The following MVD variants were observed in gnomAD, a reference collection of about 807,000 sequenced individuals.
MVD encodes mevalonate diphosphate decarboxylase.
In MVD, 52 loss-of-function variants were observed where a neutral mutation model predicts 42.4. That is an observed-to-expected ratio of 1.23 (90% CI 0.98 to 1.55). The LOEUF is 1.55. MVD is among the 40% of genes most tolerant of loss of function. The pLI is 0.00. For missense variants in MVD, 663 were observed against 572.1 expected (o/e 1.16, Z -1.62); for synonymous variants, 287 against 243.2 (o/e 1.18, Z -1.68).
At chr16:88,661,895 C>T (rs562427278) in intron 1 of MVD, among the ~76,000 whole-genome samples, 82 of 146,208 alleles carry the variant, frequency 5.6e-4, no homozygotes, top group Admixed American at 8.2e-4. Context: ...CACACACATA[C>T]ATCTATATAG....
intron 1 of MVD, chr16:88,662,286 C>T (rs75145794): frequency 6.4e-6 from 1 of 156,308 alleles, no homozygotes; most frequent in Non-Finnish European, 1.4e-5. Flanking sequence ...AGGGGCAAAG[C>T]ACTGATACAA....
chr16:88,655,022 C>G (rs572285249), intron 7 of MVD, 177 bp downstream of exon 7: 1 of 958,088 alleles, frequency 1.0e-6, no homozygotes, highest in South Asian at 1.6e-5. Flanking sequence ...CCGGGCAAGT[C>G]AAGAAACAAA....
chr16:88,662,342 T>G (rs1908357447), intron 1 of MVD, among the ~76,000 whole-genome samples: 1 of 152,102 alleles, frequency 6.6e-6, no homozygotes, highest in African/African-American at 2.4e-5. Context: ...TAAGCCAAAC[T>G]CAAAAGATAC....
At position 88,655,748 on chromosome 16, in the gene MVD, A is replaced by G; in HGVS notation, c.604-18T>C. On this transcript the variant is annotated intron_variant, in intron 5 of 9. Transcript: ENST00000301012. ...GCGCTCACCTGCACGAGGGAGAGAC[A>G]GCCTGGGCCACACCCTGCAGGGGGC... 1 of 1,551,342 alleles carries G rather than the reference A, an allele frequency of 6.4e-7. No homozygotes were observed.
intron 5 of MVD, 73 bp from the exon 6 acceptor site, chr16:88,655,803 C>G (rs549485697): frequency 2.7e-6 from 4 of 1,506,038 alleles, no homozygotes; most frequent in East Asian, 2.5e-5. Flanking sequence ...CTCAAACACT[C>G]GGCCCTCCCT....
chr16:88,658,647 T>C lies in MVD; in HGVS notation c.141+3A>G. 1.2e-6 allele frequency: 2 copies of C among 1,613,334 alleles called. No homozygotes were observed. Among genetic ancestry groups the C allele is most frequent in the Non-Finnish European group, 1.7e-6 (2 of 1,179,580 alleles). ...TGGTGTTTAGTCGTCAGTCCACACA[T>C]ACCTGGTCCTGGTGCAGAGTGACGC... On this transcript the variant is annotated splice_donor_region_variant and intron_variant, in intron 2 of 9. Coordinates refer to ENST00000301012, the MANE Select transcript of MVD (RefSeq NM_002461.3).
rs961905152 is a variant in MVD at position 88,658,042 on chromosome 16, C to G, written c.142-13G>C. On this transcript the variant is annotated splice_polypyrimidine_tract_variant and intron_variant, in intron 2 of 9. Coordinates refer to ENST00000301012, the MANE Select transcript of MVD (RefSeq NM_002461.3). ...TGGTGGTTTTTAACTGAAAAGGAAA[C>G]CCAGGGCCACCTCAGAGGCCAGCAT... 14 of 1,612,732 alleles carry G rather than the reference C, an allele frequency of 8.7e-6. No homozygotes were observed. In the African/African-American group the frequency reaches 1.6e-4, roughly 18 times the overall value.
intron 1 of MVD, chr16:88,660,404 G>A (rs535747408): frequency 6.6e-6 from 1 of 152,324 alleles, no homozygotes; most frequent in East Asian, 1.9e-4. Context: ...CAGCACTTTG[G>A]GAGGCCGAAG....
chr16:88,655,444 G>C, intron 6 of MVD, 27 bp from the exon 7 acceptor site: 2 of 1,547,688 alleles, frequency 1.3e-6, no homozygotes, highest in Admixed American at 3.8e-5. Context: ...GTTTCCCATG[G>C]AGCCGCTGGG....
intron 7 of MVD, 26 bp from the exon 8 acceptor site, chr16:88,654,833 C>G (rs1177200974): frequency 1.3e-6 from 2 of 1,546,866 alleles, no homozygotes; most frequent in East Asian, 2.3e-5. Flanking sequence ...GTCACCCTGG[C>G]TATTCACGTG....
At position 88,653,382 on chromosome 16, in the gene MVD, G is replaced by A. The variant is rs138484696; in HGVS notation, c.1040C>T (p.Pro347Leu). ...CTGAAGCTCAGCTGAGAGAGGGGCCGGCCTCACCTGCAGCCCCTTCAGAAA... is the reference window on the plus strand; with the variant it reads ...CTGAAGCTCAGCTGAGAGAGGGGCCAGCCTCACCTGCAGCCCCTTCAGAAA... ...DTFLKGLQVRPAPLSAELQAA... is the reference protein window; with the variant it reads ...DTFLKGLQVRLAPLSAELQAA... The change falls in exon 9 of 10, where the codon CCG (proline) becomes CTG (leucine). Residue 347 changes from proline (P) to leucine (L), a missense_variant. Coordinates refer to ENST00000301012, the MANE Select transcript of MVD (RefSeq NM_002461.3). 84 of 1,602,680 alleles carry A rather than the reference G, an allele frequency of 5.2e-5. No homozygotes were observed. In the African/African-American group the frequency reaches 6.1e-4, roughly 12 times the overall value.
At position 88,657,480 on chromosome 16, in the gene MVD, G is replaced by A. The variant is rs757884457; in HGVS notation, c.359C>T (p.Thr120Met). Reference sequence around the variant, plus strand: ...CGCTGAGGAGGCCAGGCCCGCAGCCGTGGGGAAGTTGTTCACCGATGCCAC... The same window carrying A: ...CGCTGAGGAGGCCAGGCCCGCAGCCATGGGGAAGTTGTTCACCGATGCCAC... ...VHVASVNNFP[T>M]AAGLASSAAG... The change falls in exon 4 of 10, where the codon ACG (threonine) becomes ATG (methionine). Residue 120 changes from threonine to methionine, a missense_variant. Coordinates refer to ENST00000301012, the MANE Select transcript of MVD (RefSeq NM_002461.3). The A allele has an allele frequency of 2.6e-5, 42 of 1,612,504 alleles. 1 individual carries two copies. The highest frequency in any genetic ancestry group is 4.4e-5 in the South Asian group (4 of 91,064).
At chr16:88,657,788 C>T (rs1273761640) in intron 3 of MVD, 127 bp downstream of exon 3, 39 of 1,254,216 alleles carry the variant, frequency 3.1e-5, no homozygotes, top group Admixed American at 2.9e-4. Context: ...GGCGGCCCAG[C>T]GGGCATGTCT....
Position 88,655,704 on chromosome 16 carries a change from G to A in MVD, c.630C>T (p.Gly210=). 6.4e-7 allele frequency: 1 copy of A among 1,560,514 alleles called. No homozygotes were observed. Among genetic ancestry groups the A allele is most frequent in the Non-Finnish European group, 8.7e-7 (1 of 1,152,352 alleles). The change falls in exon 6 of 10, where the codon GGC becomes GGT. Residue 210 remains glycine, a synonymous_variant. Coordinates refer to ENST00000301012, the MANE Select transcript of MVD (RefSeq NM_002461.3). ...CACTGGCCCGCATGCCCACGGTACTGCCTGTCAGCTTCTTCTCAGCGCTCA... is the reference window on the plus strand; with the variant it reads ...CACTGGCCCGCATGCCCACGGTACTACCTGTCAGCTTCTTCTCAGCGCTCA... ...LVVSAEKKLT[G]STVGMRASVE... is the part of the protein sequence containing the mutation.
rs1349565283 is a variant in MVD at position 88,657,298 on chromosome 16, C to G, written c.403+138G>C. 1.5e-5 allele frequency: 18 copies of G among 1,223,230 alleles called. No homozygotes were observed. The East Asian group carries it at 4.1e-4, about 28-fold the overall frequency. The allele number at this position is 1,223,230 out of a possible 1,614,324, so 75.8% of individuals were successfully genotyped here. A position where few individuals can be genotyped will look rare whatever the true frequency, so the allele number is the denominator to read the frequency against. On this transcript the variant is annotated intron_variant, in intron 4 of 9. Transcript: ENST00000301012. ...GCTCTGGGAAGAGACTGAACAACTC[C>G]AGAGAGGCCAGGGAGGCCTGGGGTG...
intron 5 of MVD, 41 bp from the exon 6 acceptor site, chr16:88,655,771 G>T (rs1304715459): frequency 6.5e-7 from 1 of 1,544,938 alleles, no homozygotes; most frequent in Admixed American, 2.0e-5. Context: ...CCCTGCAGGG[G>T]GCCAGCCCCA....
Position 88,655,428 on chromosome 16 carries a change from C to T in MVD, c.679-11G>A. The T allele has an allele frequency of 6.4e-7, 1 of 1,559,168 alleles. No individual in the cohort carries two copies. The highest frequency in any genetic ancestry group is 8.6e-7 in the Non-Finnish European group (1 of 1,157,108). ...GGACTCGGCCCGGAACTGCAAGGCACAGGGTGTTTCCCATGGAGCCGCTGG... is the reference window on the plus strand; with the variant it reads ...GGACTCGGCCCGGAACTGCAAGGCATAGGGTGTTTCCCATGGAGCCGCTGG... On this transcript the variant is annotated splice_polypyrimidine_tract_variant and intron_variant, in intron 6 of 9. Coordinates refer to ENST00000301012, the MANE Select transcript of MVD (RefSeq NM_002461.3).
At chr16:88,652,750 T>C (rs1250354904) in intron 9 of MVD, 145 bp from the exon 10 acceptor site, 1 of 764,316 alleles carries the variant, frequency 1.3e-6, no homozygotes, top group African/African-American at 1.8e-5. Flanking sequence ...GCCTGAGTGG[T>C]GACACCCACA....
chr16:88,652,528 G>C lies in MVD; in HGVS notation c.1200C>G (p.Ala400=), dbSNP rs766287656. The C allele has an allele frequency of 3.2e-6, 5 of 1,570,562 alleles. No homozygotes were observed. The Admixed American group carries it at 7.4e-5, about 23-fold the overall frequency. Residue 400 remains alanine, a synonymous_variant, in exon 10 of 10, where the codon GCC becomes GCG. Coordinates refer to ENST00000301012, the MANE Select transcript of MVD (RefSeq NM_002461.3). ...CATGCGGTCCCTGCTGAGGCAGTCA[G>C]GCAGCTGGCTTCGGCAGGCCGTCAG... ...LGPDGLPKPA[A]
Sources: allele counts gnomAD v4.1 joint callset (sites outside exome capture counted in the v4.1 genomes callset), GRCh38; gene constraint gnomAD v4.1.1; transcripts MANE v1.5; gene names NCBI Gene and HGNC (gene_info 2026-07-23, HGNC 2026-07-21).